The following ISCA1 variants were observed in gnomAD, a reference collection of about 807,000 sequenced individuals.
ISCA1 encodes the protein iron-sulfur cluster assembly 1.
In ISCA1, 9 loss-of-function variants were observed where a neutral mutation model predicts 14.7. That is an observed-to-expected ratio of 0.61 (90% confidence interval 0.37 to 1.07). The LOEUF (loss-of-function observed/expected upper bound fraction) is 1.07, where lower values mean the gene tolerates loss of function less well. Ranked by LOEUF, ISCA1 falls within the 50% of genes least tolerant of loss-of-function variation. ISCA1 has a pLI of 0.01. For synonymous variants in ISCA1, 38 were observed against 54.3 expected (o/e 0.70, Z 1.32); for missense variants, 102 against 150.1 (o/e 0.68, Z 1.67).
intron 1 of ISCA1, among the ~76,000 whole-genome samples, chr9:86,279,581 C>T (rs1179336901): frequency 6.6e-6 from 1 of 152,150 alleles, no homozygotes; most frequent in African/African-American, 2.4e-5. Context: ...ATGTCAAATT[C>T]CTAACATCAA....
intron 1 of ISCA1, among the ~76,000 whole-genome samples, chr9:86,277,193 T>C (rs775795679): frequency 2.6e-4 from 40 of 152,196 alleles, no homozygotes; most frequent in Non-Finnish European, 5.4e-4. Context: ...GGTCTACTTA[T>C]CACCAAGTTG....
At chr9:86,272,201 C>A in intron 2 of ISCA1, 89 bp from the exon 3 acceptor site, 1 of 797,358 alleles carries the variant, frequency 1.3e-6, no homozygotes, top group South Asian at 1.5e-5. Context: ...CTCCTCGTAC[C>A]AAAATGGACT....
intron 2 of ISCA1, among the ~76,000 whole-genome samples, chr9:86,273,409 C>A (rs1825397874): frequency 6.6e-6 from 1 of 152,142 alleles, no homozygotes; most frequent in Admixed American, 6.6e-5. Context: ...ACTGCAGACA[C>A]TAAATAGTTG....
intron 1 of ISCA1, 38 bp downstream of exon 1, chr9:86,282,340 C>T: frequency 2.0e-6 from 3 of 1,532,138 alleles, no homozygotes; most frequent in South Asian, 1.2e-5. Flanking sequence ...CGGACACGAG[C>T]AATGTCACGG....
chr9:86,271,148 T>C (rs1825364281), intron 3 of ISCA1, among the ~76,000 whole-genome samples: 1 of 152,140 alleles, frequency 6.6e-6, no homozygotes, highest in African/African-American at 2.4e-5. Flanking sequence ...TTAGGTACGT[T>C]TACACAAATA....
At position 86,278,776 on chromosome 9, in the gene ISCA1, T is replaced by C. The variant is rs942392285; in HGVS notation, c.81+3602A>G. Among the ~76,000 whole-genome samples the C allele has an allele frequency of 4.6e-5, 7 of 152,356 alleles. No individual in the cohort carries two copies. In the South Asian group the frequency reaches 1.2e-3, roughly 27 times the overall value. On this transcript the variant is annotated intron_variant, in intron 1 of 3. Transcript: ENST00000375991. ...CATTTGATACATGGTAATAAACATA[T>C]ATTCACCATTTACTGAGCACCTTCT... is the stretch of plus-strand genomic sequence containing the variant.
intron 3 of ISCA1, among the ~76,000 whole-genome samples, chr9:86,268,478 TAAA>T (rs995068684): frequency 2.1e-5 from 3 of 145,422 alleles, no homozygotes; most frequent in African/African-American, 7.6e-5. Flanking sequence ...GCTTACAAAG[TAAA>T]AAAGTTTCAG....
chr9:86,282,445 A>C lies in ISCA1; in HGVS notation c.14T>G (p.Leu5Ter). The C allele has an allele frequency of 1.3e-6, 2 of 1,553,940 alleles. No homozygotes were observed. The highest frequency in any genetic ancestry group is 1.7e-6 in the Non-Finnish European group (2 of 1,148,758). The change falls in exon 1 of 4, where the codon TTA (leucine) becomes TGA (stop). Residue 5 changes from leucine to a stop codon, truncating the protein, a stop_gained. Transcript: ENST00000375991. LOFTEE classifies it high-confidence loss of function. ...CACAGCCCGGACAGTTGCCCGGACTAAGGAAGCCGACATCTTCGCCGTCCC... is the reference window on the plus strand; with the variant it reads ...CACAGCCCGGACAGTTGCCCGGACTCAGGAAGCCGACATCTTCGCCGTCCC... The part of the protein sequence containing the change: MSAS[L>*]VRATVRAVSK...
chr9:86,275,358 A>C (rs1825427838), intron 1 of ISCA1, among the ~76,000 whole-genome samples: 1 of 152,138 alleles, frequency 6.6e-6, no homozygotes, highest in Non-Finnish European at 1.5e-5. Context: ...ACTGCTTGTG[A>C]AGTCTCAAAG....
intron 3 of ISCA1, chr9:86,267,579 T>G (rs10780755): frequency 0.24 from 215,993 of 884,810 alleles, 28,946 homozygotes; most frequent in East Asian, 0.49. Flanking sequence ...ATAATTAATT[T>G]TAATTATAAA....
chr9:86,268,974 T>G (rs1305363310), intron 3 of ISCA1, among the ~76,000 whole-genome samples: 1 of 152,088 alleles, frequency 6.6e-6, no homozygotes, highest in Non-Finnish European at 1.5e-5. Flanking sequence ...TTTTGTATTT[T>G]TAGTAGAGAT....
chr9:86,267,845 A>AAAG (rs1825309337), intron 3 of ISCA1: 1 of 156,004 alleles, frequency 6.4e-6, no homozygotes, highest in East Asian at 1.9e-4. Context: ...TAAAAAAAAA[A>AAAG]AAAAAAAAAG....
intron 3 of ISCA1, chr9:86,267,417 T>A (rs2131220073): frequency 1.1e-6 from 1 of 934,168 alleles, no homozygotes; most frequent in East Asian, 1.2e-4. Flanking sequence ...TAACTTTAGT[T>A]TAATAAGAAA....
In ISCA1 at chr9:86,265,719, T is replaced by A. The variant is rs1381417422; in HGVS notation, c.*324A>T. ...TCTGGTTGGGAGAAATGCTGAGGGA[T>A]GATCAAGCCATCAATAGCGATCTAA... is the stretch of plus-strand genomic sequence containing the variant. On this transcript the variant is annotated 3_prime_UTR_variant, in exon 4 of 4. Coordinates refer to ENST00000375991, the MANE Select transcript of ISCA1 (RefSeq NM_030940.4). The A allele has an allele frequency of 3.0e-6, 1 of 329,140 alleles. No individual in the cohort carries two copies. The highest frequency in any genetic ancestry group is 2.1e-5 in the African/African-American group (1 of 46,630). The allele number at this position is 329,140 out of a possible 1,614,324, so 20.4% of individuals were successfully genotyped here. A position where few individuals can be genotyped will look rare whatever the true frequency, so the allele number is the denominator to read the frequency against.
Position 86,265,989 on chromosome 9 carries a change from C to T in ISCA1, c.*54G>A. 2 of 1,610,738 alleles carry T rather than the reference C, an allele frequency of 1.2e-6. No homozygotes were observed. The highest frequency in any genetic ancestry group is 1.7e-6 in the Non-Finnish European group (2 of 1,178,876). On this transcript the variant is annotated 3_prime_UTR_variant, in exon 4 of 4. Transcript: ENST00000375991. The stretch of plus-strand genomic sequence containing the variant: ...CAGTCACATGATTTCTGCAGTGAGC[C>T]CCAAAGCTTCCACGAGCTTTCCTGG...
rs535841813 is a variant in ISCA1 at position 86,282,350 on chromosome 9, G to A, written c.81+28C>T. 3.0e-5 allele frequency: 46 copies of A among 1,536,486 alleles called. 1 individual carries two copies. The South Asian group carries it at 5.3e-4, about 18-fold the overall frequency. On this transcript the variant is annotated intron_variant, in intron 1 of 3. Transcript: ENST00000375991. ...CGGGGCGGACACGAGCAATGTCACG[G>A]GCCCCGCCGCGCGCCGCGAGCACTC... is the stretch of plus-strand genomic sequence containing the variant.
chr9:86,281,768 G>A (rs371935250), intron 1 of ISCA1, among the ~76,000 whole-genome samples: 4 of 152,346 alleles, frequency 2.6e-5, no homozygotes, highest in Admixed American at 2.0e-4. Context: ...TTTGTCCTAA[G>A]AGCCTAGGCT....
In ISCA1 at chr9:86,265,896, C is replaced by A. The variant is rs1380502171; in HGVS notation, c.*147G>T. On this transcript the variant is annotated 3_prime_UTR_variant, in exon 4 of 4. Coordinates refer to ENST00000375991, the MANE Select transcript of ISCA1 (RefSeq NM_030940.4). ...TGTCCCCTATAGAGAATATAAATAT[C>A]ATTTCTTCTGGAATCCAACACACTG... 2 of 1,256,584 alleles carry A rather than the reference C, an allele frequency of 1.6e-6. No individual in the cohort carries two copies. Among genetic ancestry groups the A allele is most frequent in the Non-Finnish European group, 2.3e-6 (2 of 858,206 alleles). The allele number at this position is 1,256,584 out of a possible 1,614,324, so 77.8% of individuals were successfully genotyped here. A position where few individuals can be genotyped will look rare whatever the true frequency, so the allele number is the denominator to read the frequency against.
intron 3 of ISCA1, chr9:86,267,755 C>T (rs1240190046): frequency 5.1e-6 from 1 of 197,228 alleles, no homozygotes; most frequent in Non-Finnish European, 9.1e-6. Context: ...ATCGCTTGAA[C>T]CAGGGAGGTG....
Sources: gnomAD v4.1 joint callset for allele counts (sites outside exome capture counted in the v4.1 genomes callset) on GRCh38, gnomAD v4.1.1 for gene constraint, MANE v1.5 for transcripts, NCBI Gene and HGNC (gene_info 2026-07-23, HGNC 2026-07-21) for gene names.